Variants in ZMYND8 observed in about 807,000 individuals in gnomAD.
ZMYND8 encodes MYND-type zinc finger-containing chromatin reader ZMYND8.
A neutral mutation model predicts 140.8 loss-of-function variants in ZMYND8; 37 were observed. That is an observed-to-expected ratio of 0.26 (90% CI 0.20 to 0.35). The LOEUF (loss-of-function observed/expected upper bound fraction) is 0.35, where lower values mean the gene tolerates loss of function less well. ZMYND8 is among the 10% of genes least tolerant of loss of function. The pLI is 1.00. For synonymous variants in ZMYND8, 592 were observed against 597.1 expected (o/e 0.99, Z 0.12); for missense variants, 1,068 against 1,570.0 (o/e 0.68, Z 5.40).
chr20:47,283,675 T>G, intron 8 of ZMYND8, 27 bp from the exon 9 acceptor site: 1 of 1,608,910 alleles, frequency 6.2e-7, no homozygotes, highest in Non-Finnish European at 8.5e-7. Context: ...CATTAGAATG[T>G]GTCACCCCAG....
intron 5 of ZMYND8, among the ~76,000 whole-genome samples, chr20:47,294,163 C>T (rs2077484233): frequency 6.6e-6 from 1 of 151,234 alleles, no homozygotes; most frequent in Admixed American, 6.6e-5. Context: ...GCCTGGCCAA[C>T]ATGGTGAAAC....
Position 47,350,470 on chromosome 20 carries a change from T to TG in ZMYND8, c.15-2545_15-2544insC, listed in dbSNP as rs200567119. ...CGGTTTTTTTGTGTGTGTGTGTGTGTTTTTTTTTGATTTAGTGTTAAGAAC... is the reference window on the plus strand; with the variant it reads ...CGGTTTTTTTGTGTGTGTGTGTGTGTGTTTTTTTTGATTTAGTGTTAAGAAC... On this transcript the variant is annotated intron_variant, in intron 1 of 22. Transcript: ENST00000471951. 5.6e-3 allele frequency among the ~76,000 whole-genome samples: 810 copies of TG among 145,620 alleles called. 7 individuals carry two copies. Among genetic ancestry groups the TG allele is most frequent in the African/African-American group, 0.021 (783 of 36,564 alleles).
At chr20:47,270,146 G>A (rs1043883032) in intron 11 of ZMYND8, among the ~76,000 whole-genome samples, 5 of 151,362 alleles carry the variant, frequency 3.3e-5, no homozygotes, top group Admixed American at 6.6e-5. Context: ...CTGAGGCAGC[G>A]GGGACTGCTT....
intron 2 of ZMYND8, among the ~76,000 whole-genome samples, chr20:47,345,244 T>C (rs567402842): frequency 2.6e-5 from 4 of 152,114 alleles, no homozygotes; most frequent in African/African-American, 9.6e-5. Flanking sequence ...CTGAGATAAG[T>C]CTGAGATCAC....
intron 14 of ZMYND8, among the ~76,000 whole-genome samples, chr20:47,245,255 T>C (rs2147270559): frequency 6.6e-6 from 1 of 150,514 alleles, no homozygotes; most frequent in Middle Eastern, 3.5e-3. Flanking sequence ...TGAACACTGC[T>C]TTTTTTTTAG....
intron 3 of ZMYND8, among the ~76,000 whole-genome samples, chr20:47,307,366 G>A (rs1392900360): frequency 6.6e-6 from 1 of 152,016 alleles, no homozygotes; most frequent in Non-Finnish European, 1.5e-5. Flanking sequence ...GCTGAAGCAG[G>A]AGAATCGCTT....
At chr20:47,239,251 A>G (rs1337638209) in intron 14 of ZMYND8, 113 bp from the exon 15 acceptor site, 1 of 1,367,418 alleles carries the variant, frequency 7.3e-7, no homozygotes, top group Non-Finnish European at 9.6e-7. Context: ...AGGAATGCCG[A>G]ACCAATTCGA....
intron 10 of ZMYND8, among the ~76,000 whole-genome samples, chr20:47,277,876 T>C (rs1256849691): frequency 6.6e-6 from 1 of 152,100 alleles, no homozygotes; most frequent in Non-Finnish European, 1.5e-5. Flanking sequence ...TCACTATATG[T>C]TAGCCAGGCT....
intron 4 of ZMYND8, among the ~76,000 whole-genome samples, chr20:47,297,714 C>T (rs1009807099): frequency 2.0e-5 from 3 of 152,146 alleles, no homozygotes; most frequent in Non-Finnish European, 2.9e-5. Context: ...CATGAGCCAC[C>T]ACGCTCAGCC....
rs1555948705 is a variant in ZMYND8, at chr20:47,265,068, A to ATATG, written c.1481-2641_1481-2640insCATA. ...AATATATATACATATATATATATAT[A>ATATG]GGCATTTTAACGGAAGTATTACCAA... On this transcript the variant is annotated intron_variant, in intron 11 of 22. Coordinates refer to ENST00000471951, the MANE Select transcript of ZMYND8 (RefSeq NM_001281775.3). 4.8e-4 allele frequency among the ~76,000 whole-genome samples: 69 copies of ATATG among 144,584 alleles called. 1 individual carries two copies. Among genetic ancestry groups the ATATG allele is most frequent in the African/African-American group, 1.5e-3 (61 of 40,182 alleles). 94.9% of individuals were successfully genotyped at this position (144,584 alleles called of 152,430 possible).
intron 17 of ZMYND8, among the ~76,000 whole-genome samples, chr20:47,228,417 CCTCT>C (rs1157383564): frequency 6.6e-6 from 1 of 152,134 alleles, no homozygotes; most frequent in African/African-American, 2.4e-5. Flanking sequence ...CATATTATAA[CCTCT>C]CTAAAATCCA....
intron 3 of ZMYND8, among the ~76,000 whole-genome samples, chr20:47,305,787 T>C (rs1226434543): frequency 6.6e-6 from 1 of 152,066 alleles, no homozygotes; most frequent in African/African-American, 2.4e-5. Flanking sequence ...AATCCTTTAA[T>C]GCAAGGGAAA....
At chr20:47,290,155 A>C (rs374965717) in intron 7 of ZMYND8, 32 bp downstream of exon 7, 100 of 1,596,702 alleles carry the variant, frequency 6.3e-5, no homozygotes, top group Non-Finnish European at 8.2e-5. Context: ...TACACAGCAT[A>C]CTCTTTCTTA....
Position 47,229,552 on chromosome 20 carries a change from G to A in ZMYND8, c.2937+174C>T, listed in dbSNP as rs149958628. Among the ~76,000 whole-genome samples the A allele has an allele frequency of 2.0e-5, 3 of 152,246 alleles. No individual in the cohort carries two copies. The East Asian group carries it at 5.8e-4, about 29-fold the overall frequency. ...AGCAGGGCATGTCTCCACAGCCCCA[G>A]CCGTCTGGCTAAAGGAAAAAATACC... On this transcript the variant is annotated intron_variant, in intron 17 of 22. Coordinates refer to ENST00000471951, the MANE Select transcript of ZMYND8 (RefSeq NM_001281775.3).
intron 2 of ZMYND8, among the ~76,000 whole-genome samples, chr20:47,326,680 G>A (rs2080446717): frequency 6.6e-6 from 1 of 152,144 alleles, no homozygotes; most frequent in Non-Finnish European, 1.5e-5. Flanking sequence ...ATCAGATACA[G>A]GTACTGATCT....
intron 2 of ZMYND8, among the ~76,000 whole-genome samples, chr20:47,340,832 A>C (rs1465850742): frequency 6.6e-6 from 1 of 151,976 alleles, no homozygotes; most frequent in Non-Finnish European, 1.5e-5. Flanking sequence ...TACAGCAGCC[A>C]GCATTCTAGC....
At chr20:47,308,920 T>C (rs1006456372) in intron 3 of ZMYND8, among the ~76,000 whole-genome samples, 3 of 152,180 alleles carry the variant, frequency 2.0e-5, no homozygotes, top group Non-Finnish European at 4.4e-5. Flanking sequence ...TACTCAATAA[T>C]GCACAAAGTG....
intron 18 of ZMYND8, among the ~76,000 whole-genome samples, chr20:47,225,612 G>A (rs2146997619): frequency 7.5e-6 from 1 of 133,118 alleles, no homozygotes; most frequent in African/African-American, 2.9e-5. Context: ...GGATGGGAGG[G>A]GAATGGTCCC....
At chr20:47,226,812 A>T (rs1291131499) in intron 18 of ZMYND8, among the ~76,000 whole-genome samples, 3 of 152,078 alleles carry the variant, frequency 2.0e-5, no homozygotes, top group Admixed American at 2.0e-4. Flanking sequence ...GGAGCGCACC[A>T]CCAGGCCCAG....
Sources: allele counts gnomAD v4.1 joint callset (sites outside exome capture counted in the v4.1 genomes callset), GRCh38; gene constraint gnomAD v4.1.1; transcripts MANE v1.5; gene names NCBI Gene and HGNC (gene_info 2026-07-23, HGNC 2026-07-21).